The following SLC6A13 variants were observed in gnomAD, a reference collection of about 807,000 sequenced individuals.
SLC6A13 encodes the protein solute carrier family 6 member 13.
In SLC6A13, 69 loss-of-function variants were observed where a neutral mutation model predicts 72.9. That is an observed-to-expected ratio of 0.95 (90% CI 0.78 to 1.16). The LOEUF (loss-of-function observed/expected upper bound fraction) is 1.16. SLC6A13 is among the 50% of genes most tolerant of loss of function. The probability of loss-of-function intolerance (pLI) is 0.00; values close to 1 mark genes in which losing one functional copy is unlikely to be tolerated. For synonymous variants in SLC6A13, 303 were observed against 303.0 expected (o/e 1.00, Z 0.00); for missense variants, 735 against 760.5 (o/e 0.97, Z 0.39).
chr12:259,701 C>G lies in SLC6A13; in HGVS notation c.202+150G>C, dbSNP rs1591876469. ...ACGTAACCTTTCTAGGTCTTAGTCT[C>G]TTACAGAGTGTCCTTAATGACCTCT... On this transcript the variant is annotated intron_variant, in intron 2 of 14. Transcript: ENST00000343164. 5.8e-6 allele frequency: 9 copies of G among 1,548,024 alleles called. No homozygotes were observed. In the East Asian group the frequency reaches 1.9e-4, roughly 32 times the overall value.
chr12:235,326 CAAGG>C lies in SLC6A13; in HGVS notation c.697-106_697-103del. 6 of 1,193,178 alleles carry C rather than the reference CAAGG, an allele frequency of 5.0e-6. No individual in the cohort carries two copies. The South Asian group carries it at 7.9e-5, about 16-fold the overall frequency. The allele number at this position is 1,193,178 out of a possible 1,614,324, so 73.9% of individuals were successfully genotyped here. On this transcript the variant is annotated intron_variant, in intron 6 of 14. Transcript: ENST00000343164. ...GGGGCAAGAGCTCCTCAGAAAAGGT[CAAGG>C]GAGTGTTCCTCCTGCTCCCAGCTCA...
Position 262,795 on chromosome 12 carries a change from G to T in SLC6A13, c.-12C>A, listed in dbSNP as rs1437028516. On this transcript the variant is annotated 5_prime_UTR_variant, in exon 1 of 15. Coordinates refer to ENST00000343164, the MANE Select transcript of SLC6A13 (RefSeq NM_016615.5). ...AGAAGAAAACATTTCGAACCTTAGT[G>T]AAGCTGCTGCCAGAGGTCCAGTCAG... is the stretch of plus-strand genomic sequence containing the variant. 3 of 624,420 alleles carry T rather than the reference G, an allele frequency of 4.8e-6. No individual in the cohort carries two copies. Among genetic ancestry groups the T allele is most frequent in the African/African-American group, 4.0e-5 (2 of 50,378 alleles). 38.7% of individuals were successfully genotyped at this position (624,420 alleles called of 1,614,324 possible).
intron 4 of SLC6A13, among the ~76,000 whole-genome samples, chr12:239,668 C>T (rs993516966): frequency 1.3e-5 from 2 of 152,122 alleles, no homozygotes; most frequent in African/African-American, 4.8e-5. Flanking sequence ...AATGAAAGCC[C>T]CAGGAGGGTG....
chr12:260,013 T>A lies in SLC6A13; in HGVS notation c.40A>T (p.Thr14Ser). ...RVSGTTSNGE[T>S]KPVYPVMEKK... is the part of the protein sequence containing the mutation. ...TCCATGACTGGATACACTGGTTTTG[T>A]CTCTCCATTACTGGTTGTGCCTGAG... The change falls in exon 2 of 15, where the codon ACA (threonine) becomes TCA (serine). Residue 14 changes from threonine (T) to serine (S), a missense_variant. By Grantham distance (58) the Thr-to-Ser change is moderately conservative (BLOSUM62 1). Transcript: ENST00000343164. The A allele has an allele frequency of 6.2e-7, 1 of 1,614,176 alleles. No individual in the cohort carries two copies. Among genetic ancestry groups the A allele is most frequent in the Non-Finnish European group, 8.5e-7 (1 of 1,180,016 alleles).
rs188804409 is a variant in SLC6A13, at chr12:242,302, C to T, written c.478+312G>A. 1.2e-3 allele frequency among the ~76,000 whole-genome samples: 190 copies of T among 152,214 alleles called. 1 individual carries two copies. The highest frequency in any genetic ancestry group is 3.5e-3 in the African/African-American group (147 of 41,514). On this transcript the variant is annotated intron_variant, in intron 4 of 14. Transcript: ENST00000343164. ...TAAAACGTACCAGAGAGAAGATACG[C>T]GAAACAAATGAATGAACAAAACATA...
intron 2 of SLC6A13, among the ~76,000 whole-genome samples, chr12:248,235 C>T (rs1942421406): frequency 6.6e-6 from 1 of 151,820 alleles, no homozygotes; most frequent in Non-Finnish European, 1.5e-5. Flanking sequence ...AGAAAATGCA[C>T]TTTGAATAAA....
At chr12:243,851 A>T (rs1264802798) in intron 2 of SLC6A13, 38 bp from the exon 3 acceptor site, 1 of 1,603,898 alleles carries the variant, frequency 6.2e-7, no homozygotes, top group Non-Finnish European at 8.5e-7. Context: ...TCCTGGGACT[A>T]TTCTCCTCAT....
chr12:253,913 GA>G (rs1942647015), intron 2 of SLC6A13, among the ~76,000 whole-genome samples: 2 of 152,238 alleles, frequency 1.3e-5, no homozygotes. Context: ...CCTGGACTTA[GA>G]AATTAAGTGA....
intron 7 of SLC6A13, among the ~76,000 whole-genome samples, chr12:231,187 G>A (rs1009731835): frequency 3.3e-5 from 5 of 152,198 alleles, no homozygotes; most frequent in Non-Finnish European, 5.9e-5. Flanking sequence ...GGTCTCCAGT[G>A]GCCAGTCCCC....
chr12:242,847 T>C, intron 3 of SLC6A13, 93 bp from the exon 4 acceptor site: 8 of 1,220,660 alleles, frequency 6.6e-6, no homozygotes, highest in Non-Finnish European at 9.1e-6. Flanking sequence ...GGTGAGAGGA[T>C]TGTCTGAGGC....
At chr12:256,380 GC>G (rs1942745881) in intron 2 of SLC6A13, 1 of 152,288 alleles carries the variant, frequency 6.6e-6, no homozygotes, top group Non-Finnish European at 1.5e-5. Flanking sequence ...GTAGGATGAA[GC>G]AGGTGCCTGG....
intron 4 of SLC6A13, among the ~76,000 whole-genome samples, chr12:240,997 T>G (rs1388779552): frequency 1.3e-5 from 2 of 152,202 alleles, no homozygotes; most frequent in African/African-American, 4.8e-5. Context: ...CAGTTCAGAA[T>G]TAACTTATCT....
chr12:246,132 AAAAT>A (rs71045049), intron 2 of SLC6A13, among the ~76,000 whole-genome samples: 55,887 of 146,696 alleles, frequency 0.38, 12,992 homozygotes, highest in Non-Finnish European at 0.53. Context: ...AATAAAAGTA[AAAAT>A]AAATAAATAA....
At chr12:245,475 T>C (rs957429010) in intron 2 of SLC6A13, among the ~76,000 whole-genome samples, 2 of 144,292 alleles carry the variant, frequency 1.4e-5, no homozygotes, top group African/African-American at 2.6e-5. Context: ...AAGTCAGGAG[T>C]TCAAGACCAG....
At chr12:262,688 A>C in intron 1 of SLC6A13, 101 bp downstream of exon 1, 1 of 985,234 alleles carries the variant, frequency 1.0e-6, no homozygotes, top group Non-Finnish European at 1.2e-6. Flanking sequence ...TTTCTAGGCG[A>C]GGGTAAGAAA....
At chr12:240,735 CA>C (rs1942135327) in intron 4 of SLC6A13, among the ~76,000 whole-genome samples, 1 of 152,204 alleles carries the variant, frequency 6.6e-6, no homozygotes, top group African/African-American at 2.4e-5. Flanking sequence ...ACACATTTAA[CA>C]AGAACCTAAT....
At chr12:222,320 C>T (rs1941247172) in intron 13 of SLC6A13, among the ~76,000 whole-genome samples, 1 of 152,220 alleles carries the variant, frequency 6.6e-6, no homozygotes, top group Non-Finnish European at 1.5e-5. Flanking sequence ...AACCGTCTGA[C>T]AGCTCTGGAC....
intron 2 of SLC6A13, among the ~76,000 whole-genome samples, chr12:244,870 TC>T (rs1942293162): frequency 6.6e-6 from 1 of 152,242 alleles, no homozygotes; most frequent in Admixed American, 6.5e-5. Context: ...AAATTACCCA[TC>T]TCAGGTGTTC....
At chr12:262,098 C>G (rs1284337211) in intron 1 of SLC6A13, among the ~76,000 whole-genome samples, 2 of 152,100 alleles carry the variant, frequency 1.3e-5, no homozygotes, top group African/African-American at 4.8e-5. Context: ...GCCTCCCCTC[C>G]CTTTACCAGC....
Sources: gnomAD v4.1 joint callset for allele counts (sites outside exome capture counted in the v4.1 genomes callset) on GRCh38, gnomAD v4.1.1 for gene constraint, MANE v1.5 for transcripts, NCBI Gene and HGNC (gene_info 2026-07-23, HGNC 2026-07-21) for gene names.